Variants in MPC1 observed in about 807,000 individuals in gnomAD.
MPC1 encodes mitochondrial pyruvate carrier 1, also known as HSPC040 protein.
MPC1 carries 6 observed loss-of-function variants against 13.9 expected under a neutral mutation model. That is an observed-to-expected ratio of 0.43 (90% CI 0.24 to 0.85). The LOEUF (loss-of-function observed/expected upper bound fraction) is 0.85, where lower values mean the gene tolerates loss of function less well. Ranked by LOEUF, MPC1 falls within the 40% of genes least tolerant of loss-of-function variation. MPC1 has a pLI of 0.24. For synonymous variants in MPC1, 47 were observed against 50.5 expected (o/e 0.93, Z 0.29); for missense variants, 115 against 143.3 (o/e 0.80, Z 1.01).
intron 1 of MPC1, among the ~76,000 whole-genome samples, chr6:166,373,729 T>C (rs1207586988): frequency 6.6e-6 from 1 of 152,248 alleles, no homozygotes; most frequent in Non-Finnish European, 1.5e-5. Flanking sequence ...GAGTTCCTGT[T>C]GATTCACATC....
Position 166,365,479 on chromosome 6 carries a change from C to A in MPC1, c.306-26G>T, listed in dbSNP as rs1414465246. ...CTGGAAAGAAACAAAAAGAAAAATT[C>A]AATGAGAAACAAAATTTCAATGCCA... On this transcript the variant is annotated intron_variant, in intron 4 of 4. Coordinates refer to ENST00000360961, the MANE Select transcript of MPC1 (RefSeq NM_016098.4). The surrounding 1 kb of genome is among the most constrained non-coding windows in gnomAD (Gnocchi z 4.2). 2.6e-6 allele frequency: 4 copies of A among 1,558,136 alleles called. No individual in the cohort carries two copies. In the African/African-American group the frequency reaches 5.5e-5, roughly 21 times the overall value.
intron 2 of MPC1, among the ~76,000 whole-genome samples, chr6:166,369,187 A>C (rs578167041): frequency 1.2e-4 from 18 of 152,338 alleles, no homozygotes; most frequent in African/African-American, 3.8e-4. Flanking sequence ...GCGGATCATG[A>C]GGTCAGGAGT....
At chr6:166,381,522 GA>G (rs964479016) in intron 1 of MPC1, among the ~76,000 whole-genome samples, 3 of 151,066 alleles carry the variant, frequency 2.0e-5, no homozygotes, top group African/African-American at 7.3e-5. Context: ...ATTAACTACC[GA>G]AAAAAAACCG....
chr6:166,377,475 T>C (rs1464294554), intron 1 of MPC1, among the ~76,000 whole-genome samples: 1 of 152,198 alleles, frequency 6.6e-6, no homozygotes, highest in East Asian at 1.9e-4. Flanking sequence ...TCCAAAATTA[T>C]GGTAATGTTA....
At chr6:166,372,303 T>G (rs1017956324) in intron 1 of MPC1, among the ~76,000 whole-genome samples, 17 of 152,182 alleles carry the variant, frequency 1.1e-4, no homozygotes, top group Admixed American at 1.1e-3. Context: ...CATAACTTAG[T>G]TTTTCCTTTA....
intron 1 of MPC1, among the ~76,000 whole-genome samples, chr6:166,377,568 G>T (rs953063366): frequency 6.6e-6 from 1 of 152,180 alleles, no homozygotes; most frequent in Admixed American, 6.5e-5. Context: ...TGACAGCCTA[G>T]CATAGTATAT....
chr6:166,381,366 T>C (rs566476276), intron 1 of MPC1, among the ~76,000 whole-genome samples: 1 of 152,252 alleles, frequency 6.6e-6, no homozygotes, highest in Non-Finnish European at 1.5e-5. Context: ...TCTATAAAAG[T>C]AGAAGTAAAC....
chr6:166,368,708 A>G (rs1583059212), intron 2 of MPC1: 1 of 913,020 alleles, frequency 1.1e-6, no homozygotes, highest in Non-Finnish European at 1.3e-6. Context: ...AAGGGAGAGT[A>G]TCTATCTCTC....
chr6:166,365,572 T>A lies in MPC1; in HGVS notation c.306-119A>T. ...AACATTTATTTCAACTTACAACTTA[T>A]AAAAACAATAATATAGGTTGGGTAT... On this transcript the variant is annotated intron_variant, in intron 4 of 4. Coordinates refer to ENST00000360961, the MANE Select transcript of MPC1 (RefSeq NM_016098.4). This position sits in a 1 kb window ranked among gnomAD's most constrained non-coding sequence, Gnocchi z 4.2. The A allele has an allele frequency of 2.5e-6, 2 of 785,700 alleles. 1 individual carries two copies. Among genetic ancestry groups the A allele is most frequent in the Non-Finnish European group, 3.8e-6 (2 of 525,344 alleles). 48.7% of individuals were successfully genotyped at this position (785,700 alleles called of 1,614,324 possible).
At chr6:166,377,821 C>A (rs111863888) in intron 1 of MPC1, among the ~76,000 whole-genome samples, 76 of 152,266 alleles carry the variant, frequency 5.0e-4, no homozygotes, top group African/African-American at 1.1e-3. Context: ...ATTCTTATGG[C>A]CAGTCCTGCT....
intron 1 of MPC1, among the ~76,000 whole-genome samples, chr6:166,370,808 G>T (rs1377079128): frequency 6.6e-6 from 1 of 151,992 alleles, no homozygotes. Flanking sequence ...TCCAGCCTGG[G>T]CAACAGAGCA....
At chr6:166,372,744 C>CAA (rs11410329) in intron 1 of MPC1, among the ~76,000 whole-genome samples, 111 of 148,570 alleles carry the variant, frequency 7.5e-4, no homozygotes, top group African/African-American at 8.8e-4. Flanking sequence ...TTACCTGTTT[C>CAA]AAAAAAAAAA....
At chr6:166,372,301 A>G (rs1779409343) in intron 1 of MPC1, among the ~76,000 whole-genome samples, 1 of 152,224 alleles carries the variant, frequency 6.6e-6, no homozygotes, top group African/African-American at 2.4e-5. Context: ...GACATAACTT[A>G]GTTTTTCCTT....
At chr6:166,376,056 G>A (rs1234299647) in intron 1 of MPC1, among the ~76,000 whole-genome samples, 1 of 152,112 alleles carries the variant, frequency 6.6e-6, no homozygotes, top group African/African-American at 2.4e-5. Flanking sequence ...TTTTAATGCT[G>A]TAATGGTGCA....
intron 3 of MPC1, 42 bp from the exon 4 acceptor site, chr6:166,366,148 A>G: frequency 2.5e-6 from 4 of 1,599,840 alleles, no homozygotes; most frequent in Non-Finnish European, 3.4e-6. Context: ...TAACTTAGAA[A>G]ACTGAGAGGG....
At position 166,382,859 on chromosome 6, in the gene MPC1, C is replaced by G. The variant is rs1367243607; in HGVS notation, c.18G>C (p.Val6=). 6.3e-7 allele frequency: 1 copy of G among 1,595,534 alleles called. No individual in the cohort carries two copies. Among genetic ancestry groups the G allele is most frequent in the African/African-American group, 1.4e-5 (1 of 72,818 alleles). The part of the protein sequence containing the change: MAGAL[V]RKAADYVRSK... Reference sequence around the variant, plus strand: ...TTCGGACATAGTCCGCCGCTTTCCGCACCAACGCGCCCGCCATGGCTGTGC... The same window carrying G: ...TTCGGACATAGTCCGCCGCTTTCCGGACCAACGCGCCCGCCATGGCTGTGC... The change falls in exon 1 of 5, where the codon GTG becomes GTC. Residue 6 remains valine (V), a synonymous_variant. Coordinates refer to ENST00000360961, the MANE Select transcript of MPC1 (RefSeq NM_016098.4).
intron 1 of MPC1, chr6:166,381,869 G>GA (rs1779796109): frequency 1.0e-6 from 1 of 967,750 alleles, no homozygotes; most frequent in East Asian, 1.1e-4. Context: ...AAAGTCCTTA[G>GA]AATGAGAAAA....
Position 166,382,911 on chromosome 6 carries a change from C to A in MPC1, c.-35G>T. ...GACACCAGACCCCGAGTGGTCCCTGCCTCTGCTGCCGCTTCCCAGAGCCAA... is the reference window on the plus strand; with the variant it reads ...GACACCAGACCCCGAGTGGTCCCTGACTCTGCTGCCGCTTCCCAGAGCCAA... On this transcript the variant is annotated 5_prime_UTR_variant, in exon 1 of 5. Transcript: ENST00000360961. The A allele has an allele frequency of 6.4e-7, 1 of 1,574,466 alleles. No individual in the cohort carries two copies. Among genetic ancestry groups the A allele is most frequent in the Non-Finnish European group, 8.6e-7 (1 of 1,162,748 alleles).
chr6:166,380,783 T>C (rs1232731337), intron 1 of MPC1, among the ~76,000 whole-genome samples: 1 of 151,540 alleles, frequency 6.6e-6, no homozygotes, highest in Non-Finnish European at 1.5e-5. Flanking sequence ...CTATTAAAAA[T>C]ACAAAATTAG....
Sources: gnomAD v4.1 joint callset for allele counts (sites outside exome capture counted in the v4.1 genomes callset) on GRCh38, gnomAD v4.1.1 for gene constraint, Gnocchi (gnomAD v3.1) non-coding constraint, MANE v1.5 for transcripts, NCBI Gene and HGNC (gene_info 2026-07-23, HGNC 2026-07-21) for gene names.